Variants in PTPRK observed in about 807,000 individuals in gnomAD.
PTPRK encodes the protein receptor-type tyrosine-protein phosphatase kappa.
In PTPRK, 75 loss-of-function variants were observed where a neutral mutation model predicts 178.0. The ratio of observed to expected loss-of-function variants is 0.42; its 90% CI spans 0.35 to 0.51. The LOEUF (loss-of-function observed/expected upper bound fraction) is 0.51. Ranked by LOEUF, PTPRK falls within the 20% of genes least tolerant of loss-of-function variation. PTPRK has a pLI of 0.02. For missense variants in PTPRK, 1,441 were observed against 1,797.8 expected (o/e 0.80, Z 3.59); for synonymous variants, 637 against 620.6 (o/e 1.03, Z -0.39).
At chr6:128,127,488 C>T (rs983485611) in intron 7 of PTPRK, among the ~76,000 whole-genome samples, 1 of 152,104 alleles carries the variant, frequency 6.6e-6, no homozygotes, top group African/African-American at 2.4e-5. Flanking sequence ...ATAGTTTTCC[C>T]AATACAGACC....
At chr6:128,224,067 C>A (rs1810869351) in intron 5 of PTPRK, among the ~76,000 whole-genome samples, 1 of 152,078 alleles carries the variant, frequency 6.6e-6, no homozygotes, top group South Asian at 2.1e-4. Context: ...ATAACTTTTC[C>A]TTTTATAGGC....
At chr6:128,053,021 C>T (rs985383040) in intron 13 of PTPRK, among the ~76,000 whole-genome samples, 1 of 151,978 alleles carries the variant, frequency 6.6e-6, no homozygotes, top group African/African-American at 2.4e-5. Context: ...TGGAATGAGC[C>T]ATTTATCCAA....
intron 1 of PTPRK, among the ~76,000 whole-genome samples, chr6:128,482,778 T>G (rs1168984302): frequency 1.3e-5 from 2 of 152,180 alleles, no homozygotes. Context: ...AGACAGCAAT[T>G]GTTCTTGGTT....
chr6:128,234,314 CACTT>C (rs1360939289), intron 5 of PTPRK, among the ~76,000 whole-genome samples: 1 of 152,138 alleles, frequency 6.6e-6, no homozygotes, highest in Non-Finnish European at 1.5e-5. Context: ...TAAAATGTGT[CACTT>C]ACTCATTTTT....
At chr6:128,366,732 T>C (rs1267566846) in intron 2 of PTPRK, among the ~76,000 whole-genome samples, 1 of 152,174 alleles carries the variant, frequency 6.6e-6, no homozygotes, top group Non-Finnish European at 1.5e-5. Flanking sequence ...TGTGGAGGCA[T>C]GTCAAGTGTG....
rs548017596 is a variant in PTPRK at position 128,286,199 on chromosome 6, G to A, written c.495+35840C>T. Among the ~76,000 whole-genome samples the A allele has an allele frequency of 6.6e-5, 10 of 152,192 alleles. No homozygotes were observed. The South Asian group carries it at 1.7e-3, about 25-fold the overall frequency. On this transcript the variant is annotated intron_variant, in intron 3 of 29. Coordinates refer to ENST00000368226, the MANE Select transcript of PTPRK (RefSeq NM_002844.4). ...GTATTCAGCCACTCTACTAGGTGAC[G>A]TCATGGTGTTGTTTTCTTTACATTT...
At chr6:128,341,387 T>TA (rs1481803044) in intron 2 of PTPRK, among the ~76,000 whole-genome samples, 4 of 152,168 alleles carry the variant, frequency 2.6e-5, no homozygotes, top group Admixed American at 1.3e-4. Context: ...TTCACTCACT[T>TA]AGTAATAAAC....
intron 6 of PTPRK, among the ~76,000 whole-genome samples, chr6:128,191,647 A>C (rs1229008860): frequency 2.0e-5 from 3 of 152,108 alleles, no homozygotes; most frequent in Non-Finnish European, 4.4e-5. Flanking sequence ...AATTGTATAC[A>C]TATACCAAAA....
At chr6:128,392,753 AAGAG>A (rs112859999) in intron 2 of PTPRK, among the ~76,000 whole-genome samples, 147,291 of 151,934 alleles carry the variant, frequency 0.97, 71,538 homozygotes, top group East Asian at 1. Context: ...CAAAAACAAA[AAGAG>A]AGAAAGAAAT....
At position 128,043,917 on chromosome 6, in the gene PTPRK, A is replaced by G. The variant is rs115805429; in HGVS notation, c.2194+20841T>C. On this transcript the variant is annotated intron_variant, in intron 13 of 29. Coordinates refer to ENST00000368226, the MANE Select transcript of PTPRK (RefSeq NM_002844.4). ...TTGTGTATTTAAGCACTGTTTTTTA[A>G]TTTTAAAAATAGTTTATTACAAAAG... is the stretch of plus-strand genomic sequence containing the variant. Among the ~76,000 whole-genome samples the G allele has an allele frequency of 6.2e-3, 946 of 152,016 alleles. 15 individuals are homozygous for G. Among genetic ancestry groups the G allele is most frequent in the African/African-American group, 0.022 (894 of 41,532 alleles).
chr6:128,364,572 A>G (rs1026333090), intron 2 of PTPRK, among the ~76,000 whole-genome samples: 18 of 152,120 alleles, frequency 1.2e-4, no homozygotes, highest in African/African-American at 4.3e-4. Context: ...TTAATAAGGC[A>G]TTGTTAAGTA....
intron 13 of PTPRK, among the ~76,000 whole-genome samples, chr6:128,011,459 T>C (rs1361556875): frequency 6.6e-6 from 1 of 151,090 alleles, no homozygotes; most frequent in African/African-American, 2.4e-5. Flanking sequence ...TATGGTATAA[T>C]TTTCTAAATA....
intron 3 of PTPRK, among the ~76,000 whole-genome samples, chr6:128,262,007 G>T (rs1818248663): frequency 6.6e-6 from 1 of 152,128 alleles, no homozygotes; most frequent in Admixed American, 6.6e-5. Context: ...AATACCAGGA[G>T]TTACTCAGCC....
At chr6:128,225,498 A>G (rs1811132529) in intron 5 of PTPRK, among the ~76,000 whole-genome samples, 1 of 152,170 alleles carries the variant, frequency 6.6e-6, no homozygotes, top group African/African-American at 2.4e-5. Context: ...TGTCTGCTTT[A>G]TAAGATTTGT....
At chr6:128,420,418 T>A (rs537588258) in intron 1 of PTPRK, among the ~76,000 whole-genome samples, 3 of 152,198 alleles carry the variant, frequency 2.0e-5, no homozygotes, top group Non-Finnish European at 4.4e-5. Context: ...AATCTGTGAA[T>A]CAACTGTTGG....
intron 21 of PTPRK, among the ~76,000 whole-genome samples, chr6:127,987,758 A>G (rs4563733): frequency 0.37 from 55,560 of 151,922 alleles, 10,678 homozygotes; most frequent in East Asian, 0.43. Flanking sequence ...GATTATCCAC[A>G]TAACATTCAT....
intron 13 of PTPRK, chr6:128,062,193 T>A (rs1307783178): frequency 6.2e-6 from 1 of 160,196 alleles, no homozygotes; most frequent in Non-Finnish European, 1.5e-5. Flanking sequence ...GTAGTTTTTC[T>A]TTTTCATTTC....
chr6:128,287,818 G>A (rs1402307587), intron 3 of PTPRK, among the ~76,000 whole-genome samples: 1 of 152,058 alleles, frequency 6.6e-6, no homozygotes, highest in African/African-American at 2.4e-5. Flanking sequence ...AATTTCTTCT[G>A]TATCTTTAAC....
At chr6:128,450,809 T>C (rs1847691982) in intron 1 of PTPRK, among the ~76,000 whole-genome samples, 11 of 152,234 alleles carry the variant, frequency 7.2e-5, no homozygotes. Flanking sequence ...GTCATTTTAA[T>C]ATTCTGTATG....
Sources: allele counts gnomAD v4.1 joint callset (sites outside exome capture counted in the v4.1 genomes callset), GRCh38; gene constraint gnomAD v4.1.1; transcripts MANE v1.5; gene names NCBI Gene and HGNC (gene_info 2026-07-23, HGNC 2026-07-21).